The following NLGN1 variants were observed in gnomAD, a reference collection of about 807,000 sequenced individuals.
The protein encoded by NLGN1 is neuroligin-1.
In NLGN1, 12 loss-of-function variants were observed where a neutral mutation model predicts 65.5. The ratio of observed to expected loss-of-function variants is 0.18; its 90% CI spans 0.12 to 0.30. The LOEUF is 0.30. NLGN1 is among the 10% of genes least tolerant of loss of function. The pLI, the probability that NLGN1 is intolerant of heterozygous loss-of-function variation, is 1.00. For synonymous variants in NLGN1, 350 were observed against 359.5 expected (o/e 0.97, Z 0.30); for missense variants, 750 against 1,007.1 (o/e 0.74, Z 3.46).
intron 1 of NLGN1, among the ~76,000 whole-genome samples, chr3:173,426,442 C>T (rs746113405): frequency 6.6e-6 from 1 of 151,982 alleles, no homozygotes; most frequent in Non-Finnish European, 1.5e-5. Flanking sequence ...AAATTTTCCC[C>T]ATTCAGCATG....
chr3:173,632,609 A>G (rs888796669), intron 3 of NLGN1, among the ~76,000 whole-genome samples: 6 of 152,158 alleles, frequency 3.9e-5, no homozygotes, highest in Admixed American at 3.9e-4. Flanking sequence ...CAGAGAATTC[A>G]GTCAATTCAT....
intron 4 of NLGN1, among the ~76,000 whole-genome samples, chr3:174,144,148 G>T (rs1722780916): frequency 6.6e-6 from 1 of 152,102 alleles, no homozygotes; most frequent in Admixed American, 6.5e-5. Flanking sequence ...TCCTACTTAT[G>T]AGTGAGAACA....
chr3:174,267,083 AC>A (rs1443026486), intron 4 of NLGN1, among the ~76,000 whole-genome samples: 2 of 152,116 alleles, frequency 1.3e-5, no homozygotes, highest in East Asian at 3.9e-4. Context: ...GGAAACCAAA[AC>A]TCAGAGGGAC....
chr3:173,806,645 G>T (rs1255028530), intron 3 of NLGN1, among the ~76,000 whole-genome samples: 2 of 151,916 alleles, frequency 1.3e-5, no homozygotes, highest in East Asian at 3.9e-4. Context: ...TATATAATAC[G>T]TAGATAGAAC....
At chr3:174,238,910 G>T (rs959305318) in intron 4 of NLGN1, among the ~76,000 whole-genome samples, 1 of 151,926 alleles carries the variant, frequency 6.6e-6, no homozygotes, top group African/African-American at 2.4e-5. Flanking sequence ...TAAACAAAAG[G>T]TCATCTACAC....
intron 3 of NLGN1, among the ~76,000 whole-genome samples, chr3:173,679,260 GAAAA>G (rs112068343): frequency 1.3e-5 from 2 of 149,988 alleles, no homozygotes; most frequent in African/African-American, 2.4e-5. Flanking sequence ...AGTAAAAAAT[GAAAA>G]AAAAAGATGA....
chr3:173,503,727 T>G (rs1469163754), intron 2 of NLGN1, among the ~76,000 whole-genome samples: 1 of 152,020 alleles, frequency 6.6e-6, no homozygotes, highest in Non-Finnish European at 1.5e-5. Context: ...GTTTATTAAT[T>G]TGTTGGTTTA....
intron 3 of NLGN1, among the ~76,000 whole-genome samples, chr3:173,688,787 A>G (rs1179290849): frequency 1.3e-5 from 2 of 152,164 alleles, no homozygotes; most frequent in East Asian, 3.9e-4. Context: ...AGCATTCAAA[A>G]TTAGTCTTCA....
At chr3:173,725,207 A>G (rs575305680) in intron 3 of NLGN1, among the ~76,000 whole-genome samples, 1 of 152,200 alleles carries the variant, frequency 6.6e-6, no homozygotes, top group Non-Finnish European at 1.5e-5. Context: ...AATATTTTAT[A>G]TCACCATATC....
At chr3:174,052,379 AG>A (rs1735094799) in intron 4 of NLGN1, among the ~76,000 whole-genome samples, 1 of 152,018 alleles carries the variant, frequency 6.6e-6, no homozygotes, top group Non-Finnish European at 1.5e-5. Context: ...AGAGTTAACA[AG>A]ATTATTGATT....
At chr3:173,539,582 T>TAA (rs1560405323) in intron 2 of NLGN1, among the ~76,000 whole-genome samples, 1 of 140,006 alleles carries the variant, frequency 7.1e-6, no homozygotes, top group East Asian at 2.1e-4. Context: ...ATATGTTATG[T>TAA]TATATATGTT....
At chr3:173,888,845 CATTTT>C (rs1291575432) in intron 4 of NLGN1, among the ~76,000 whole-genome samples, 1 of 152,106 alleles carries the variant, frequency 6.6e-6, no homozygotes, top group African/African-American at 2.4e-5. Context: ...CAGAGGTTTT[CATTTT>C]GTTACCTTTA....
At chr3:173,672,152 C>T (rs753147141) in intron 3 of NLGN1, among the ~76,000 whole-genome samples, 1 of 151,910 alleles carries the variant, frequency 6.6e-6, no homozygotes, top group Non-Finnish European at 1.5e-5. Context: ...CCAGCCTGGG[C>T]GACAGAGCGA....
At chr3:173,558,107 A>C (rs1240537900) in intron 2 of NLGN1, among the ~76,000 whole-genome samples, 2 of 149,198 alleles carry the variant, frequency 1.3e-5, no homozygotes, top group Non-Finnish European at 3.0e-5. Flanking sequence ...AGAATATCAG[A>C]TGTTATCTTC....
intron 3 of NLGN1, among the ~76,000 whole-genome samples, chr3:173,693,847 G>A (rs1434727810): frequency 6.6e-6 from 1 of 152,050 alleles, no homozygotes; most frequent in Non-Finnish European, 1.5e-5. Context: ...TTTGGAGAAA[G>A]TTGAGGATAG....
chr3:173,517,882 G>T (rs1038756521), intron 2 of NLGN1, among the ~76,000 whole-genome samples: 5 of 151,594 alleles, frequency 3.3e-5, no homozygotes, highest in African/African-American at 4.9e-5. Flanking sequence ...CCAATATATA[G>T]ATGTGTTATA....
chr3:173,887,337 T>G (rs1214058769), intron 4 of NLGN1, among the ~76,000 whole-genome samples: 2 of 152,024 alleles, frequency 1.3e-5, no homozygotes, highest in Admixed American at 6.6e-5. Context: ...GTCTTTTCTT[T>G]TTTGACTTCT....
chr3:174,028,449 G>A (rs568191226), intron 4 of NLGN1, among the ~76,000 whole-genome samples: 197 of 152,344 alleles, frequency 1.3e-3, no homozygotes, highest in African/African-American at 4.5e-3. Flanking sequence ...TTAACAAACA[G>A]ACTGGTGGCA....
At chr3:173,933,922 A>G (rs1306719603) in intron 4 of NLGN1, among the ~76,000 whole-genome samples, 1 of 152,002 alleles carries the variant, frequency 6.6e-6, no homozygotes, top group East Asian at 1.9e-4. Context: ...TTGTATTAAT[A>G]TATATTATAA....
Sources: gnomAD v4.1 joint callset for allele counts (sites outside exome capture counted in the v4.1 genomes callset) on GRCh38, gnomAD v4.1.1 for gene constraint, MANE v1.5 for transcripts, NCBI Gene and HGNC (gene_info 2026-07-23, HGNC 2026-07-21) for gene names.